AFF1: variants seen among roughly 807,000 people sequenced by gnomAD.
AFF1 encodes the protein ALF transcription elongation factor 1, also known as AF4/FMR2 family member 1.
In AFF1, 48 loss-of-function variants were observed where a neutral mutation model predicts 121.7. The observed-to-expected ratio is 0.39, with a 90% confidence interval of 0.31 to 0.50. AFF1 has a LOEUF of 0.50. AFF1 is among the 20% of genes least tolerant of loss of function. AFF1 has a pLI of 0.76. For synonymous variants in AFF1, 613 were observed against 563.0 expected, an observed-to-expected ratio of 1.09 and a Z score of -1.26; for missense variants, 1,523 against 1,511.7, an observed-to-expected ratio of 1.01 and a Z score of -0.12.
Position 87,132,423 on chromosome 4 carries a change from A to G in AFF1, c.3311+15A>G, listed in dbSNP as rs977617254. 5.1e-6 allele frequency: 8 copies of G among 1,579,448 alleles called. No individual in the cohort carries two copies. Among genetic ancestry groups the G allele is most frequent in the African/African-American group, 4.1e-5 (3 of 72,724 alleles). The stretch of plus-strand genomic sequence containing the variant: ...TGCATTGCAAGGTAACTCTAAGTCT[A>G]ATATAAATAATTTCCAGAATTGAGT... On this transcript the variant is annotated intron_variant, in intron 19 of 20. Coordinates refer to ENST00000395146, the MANE Select transcript of AFF1 (RefSeq NM_001166693.3).
chr4:87,023,941 C>T (rs2149567614), intron 2 of AFF1, among the ~76,000 whole-genome samples: 1 of 152,258 alleles, frequency 6.6e-6, no homozygotes, highest in East Asian at 1.9e-4. Context: ...GGGGCATTTC[C>T]ACTGGTAAAC....
In AFF1 at chr4:87,139,680, T is replaced by C. The variant is rs1842685; in HGVS notation, c.*3979T>C. 0.24 allele frequency: 53,827 copies of C among 228,748 alleles called. 6,784 individuals carry two copies. Among genetic ancestry groups the C allele is most frequent in the East Asian group, 0.4 (6,360 of 16,064 alleles). The allele number at this position is 228,748 out of a possible 1,614,324, so 14.2% of individuals were successfully genotyped here. On this transcript the variant is annotated 3_prime_UTR_variant, in exon 21 of 21. Transcript: ENST00000395146. ...TGTTTTGGGTCCCACTTAGGATTAA[T>C]GGATGTAAGGTATTTTCCTGTGCCT...
chr4:86,991,973 T>G (rs1724767364), intron 2 of AFF1, among the ~76,000 whole-genome samples: 1 of 152,150 alleles, frequency 6.6e-6, no homozygotes. Context: ...ATTACTATTT[T>G]GCCTTTTGCA....
chr4:87,074,918 G>A (rs776383221), intron 4 of AFF1, among the ~76,000 whole-genome samples: 4 of 152,070 alleles, frequency 2.6e-5, no homozygotes, highest in Non-Finnish European at 4.4e-5. Flanking sequence ...TATTTAAGCC[G>A]GGTCTTAAGA....
intron 2 of AFF1, among the ~76,000 whole-genome samples, chr4:87,000,877 C>CT (rs1725657277): frequency 6.6e-6 from 1 of 152,132 alleles, no homozygotes; most frequent in African/African-American, 2.4e-5. Context: ...TGTATACCTC[C>CT]TACAAGAATG....
rs776157634 is a variant in AFF1, at chr4:87,047,547, G to T, written c.1012G>T (p.Ala338Ser). 1 of 1,614,214 alleles carries T rather than the reference G, an allele frequency of 6.2e-7. No homozygotes were observed. The highest frequency in any genetic ancestry group is 8.5e-7 in the Non-Finnish European group (1 of 1,180,042). Residue 338 changes from alanine to serine, a missense_variant, in exon 4 of 21, where the codon GCC becomes TCC. By Grantham distance (99) the Ala-to-Ser change is moderately conservative. Transcript: ENST00000395146. ...TFEKTDLKVP[A>S]KAKLTKLKMP... ...TGAAAAAACAGACTTGAAAGTGCCT[G>T]CCAAAGCCAAGCTCACCAAACTGAA... is the stretch of plus-strand genomic sequence containing the variant.
intron 2 of AFF1, among the ~76,000 whole-genome samples, chr4:87,038,996 C>G (rs1025094798): frequency 6.6e-6 from 1 of 152,082 alleles, no homozygotes; most frequent in South Asian, 2.1e-4. Context: ...CCGTGAGTTG[C>G]CATGGAAGCA....
intron 19 of AFF1, among the ~76,000 whole-genome samples, chr4:87,134,178 A>G (rs1729097183): frequency 6.6e-6 from 1 of 152,246 alleles, no homozygotes; most frequent in Non-Finnish European, 1.5e-5. Context: ...AGGTGGGTGC[A>G]CACACATACC....
At chr4:87,038,291 T>A (rs1184197234) in intron 2 of AFF1, among the ~76,000 whole-genome samples, 1 of 152,216 alleles carries the variant, frequency 6.6e-6, no homozygotes, top group Non-Finnish European at 1.5e-5. Flanking sequence ...TCTTACAAAT[T>A]CTTTCACATG....
chr4:87,058,176 G>A (rs1056440358), intron 4 of AFF1, among the ~76,000 whole-genome samples: 1 of 152,138 alleles, frequency 6.6e-6, no homozygotes, highest in African/African-American at 2.4e-5. Context: ...TTTAATTTAA[G>A]CTAGTAAATG....
intron 2 of AFF1, among the ~76,000 whole-genome samples, chr4:86,981,764 A>T (rs1425701143): frequency 2.6e-5 from 4 of 152,238 alleles, no homozygotes. Flanking sequence ...TAAAGCACAA[A>T]GTTTGCTTCT....
intron 2 of AFF1, among the ~76,000 whole-genome samples, chr4:87,002,373 G>A (rs932435821): frequency 6.6e-6 from 1 of 150,728 alleles, no homozygotes; most frequent in Non-Finnish European, 1.5e-5. Flanking sequence ...TGGGATTACA[G>A]GTGTGAGCCA....
intron 2 of AFF1, among the ~76,000 whole-genome samples, chr4:87,008,363 A>T (rs1222823869): frequency 6.6e-6 from 1 of 152,194 alleles, no homozygotes; most frequent in Non-Finnish European, 1.5e-5. Context: ...TTAAATGTTC[A>T]TGTTTGGGCT....
chr4:87,042,788 A>G (rs1699732748), intron 2 of AFF1, among the ~76,000 whole-genome samples: 2 of 152,334 alleles, frequency 1.3e-5, no homozygotes, highest in Non-Finnish European at 1.5e-5. Flanking sequence ...TTAGAATCAC[A>G]TAGTAATAAA....
Position 87,114,695 on chromosome 4 carries a change from G to GGGCAGGTTCACGGACCAGCCT in AFF1, c.1864_1884dup (p.Ala622_Leu628dup). The GGGCAGGTTCACGGACCAGCCT allele has an allele frequency of 6.2e-7, 1 of 1,612,188 alleles. No homozygotes were observed. The highest frequency in any genetic ancestry group is 1.3e-5 in the African/African-American group (1 of 74,530). ...AAAAAACCTGTCAAGGCCTCTGCCC[G>GGGCAGGTTCACGGACCAGCCT]GGCAGGTTCACGGACCAGCCTGCAG... On this transcript the variant is annotated inframe_insertion, in exon 12 of 21. Transcript: ENST00000395146.
At chr4:87,077,155 A>G (rs1722749478) in intron 4 of AFF1, among the ~76,000 whole-genome samples, 1 of 152,242 alleles carries the variant, frequency 6.6e-6, no homozygotes, top group African/African-American at 2.4e-5. Context: ...GAGAATAAAA[A>G]ACTTCTCTTT....
chr4:87,002,425 GTTTTTTTTTTTT>G (rs3035506), intron 2 of AFF1, among the ~76,000 whole-genome samples: 3 of 68,140 alleles, frequency 4.4e-5, no homozygotes, highest in African/African-American at 1.5e-4. Flanking sequence ...GGGCAATGAA[GTTTTTTTTTTTT>G]TTTTTTTTTT....
chr4:86,973,787 T>TTTTTCCTTTCCC lies in AFF1; in HGVS notation c.38+25237_38+25248dup, dbSNP rs1234684465. 190 of 152,220 alleles carry TTTTTCCTTTCCC rather than the reference T, an allele frequency of 1.2e-3. 1 individual carries two copies. Among genetic ancestry groups the TTTTTCCTTTCCC allele is most frequent in the African/African-American group, 4.2e-3 (176 of 41,526 alleles). 9.4% of individuals were successfully genotyped at this position (152,220 alleles called of 1,614,324 possible). A position where few individuals can be genotyped will look rare whatever the true frequency, so the allele number is the denominator to read the frequency against. ...TTCTTTTCTTCCTTTCTTCCTTTCC[T>TTTTTCCTTTCCC]TTTTCCTTTCCCTTTTCCTTTCCCT... On this transcript the variant is annotated intron_variant, in intron 2 of 20. Coordinates refer to ENST00000395146, the MANE Select transcript of AFF1 (RefSeq NM_001166693.3).
chr4:87,037,820 T>G (rs989037893), intron 2 of AFF1, among the ~76,000 whole-genome samples: 1 of 152,014 alleles, frequency 6.6e-6, no homozygotes, highest in Non-Finnish European at 1.5e-5. Flanking sequence ...GCAAAATATC[T>G]TACTGGCTCT....
Sources: gnomAD v4.1 joint callset for allele counts (sites outside exome capture counted in the v4.1 genomes callset) on GRCh38, gnomAD v4.1.1 for gene constraint, MANE v1.5 for transcripts, NCBI Gene and HGNC (gene_info 2026-07-23, HGNC 2026-07-21) for gene names.